ASGR1: variants seen among roughly 807,000 people sequenced by gnomAD.
ASGR1 encodes C-type lectin domain family 4 member H1.
Under a neutral mutation model 33.1 loss-of-function variants are expected in ASGR1, and 35 were observed. That is an observed-to-expected ratio of 1.06 (90% CI 0.81 to 1.40). The LOEUF (loss-of-function observed/expected upper bound fraction) is 1.40. ASGR1 is among the 40% of genes most tolerant of loss of function. ASGR1 has a pLI of 0.00. For synonymous variants in ASGR1, 142 were observed against 152.5 expected, an observed-to-expected ratio of 0.93 and a Z score of 0.51; for missense variants, 396 against 373.7, an observed-to-expected ratio of 1.06 and a Z score of -0.49.
chr17:7,174,937 A>G (rs954487980), intron 5 of ASGR1, among the ~76,000 whole-genome samples: 4 of 149,318 alleles, frequency 2.7e-5, no homozygotes, highest in African/African-American at 9.9e-5. Flanking sequence ...TAACCCACAT[A>G]CACAAAACAC....
intron 5 of ASGR1, 149 bp downstream of exon 5, chr17:7,176,681 C>T (rs992839691): frequency 3.4e-6 from 4 of 1,171,072 alleles, no homozygotes; most frequent in Non-Finnish European, 4.8e-6. Flanking sequence ...AAAACACACT[C>T]CCCCTCATTC....
chr17:7,174,833 A>C (rs2069176574), intron 5 of ASGR1, among the ~76,000 whole-genome samples: 1 of 150,794 alleles, frequency 6.6e-6, no homozygotes. Context: ...CACACAACAC[A>C]CCCTAACCCA....
intron 7 of ASGR1, 28 bp from the exon 8 acceptor site, chr17:7,174,095 C>T (rs754156915): frequency 1.2e-6 from 2 of 1,614,006 alleles, no homozygotes; most frequent in African/African-American, 2.7e-5. Context: ...GGGTGGTGAT[C>T]TCTCCGAGGC....
intron 1 of ASGR1, 105 bp from the exon 2 acceptor site, chr17:7,178,693 G>A: frequency 1.6e-6 from 1 of 637,058 alleles, no homozygotes; most frequent in Non-Finnish European, 2.6e-6. Flanking sequence ...CTCCATCATG[G>A]AGACCTTTCT....
chr17:7,178,735 TTTC>T (rs376384406), intron 1 of ASGR1, 147 bp from the exon 2 acceptor site: 40,526 of 211,662 alleles, frequency 0.19, 2,491 homozygotes, highest in East Asian at 0.29. Flanking sequence ...TTTTTTTTCT[TTTC>T]TTTTTTTTTT....
chr17:7,177,585 T>C, intron 2 of ASGR1: 2 of 419,658 alleles, frequency 4.8e-6, no homozygotes, highest in South Asian at 4.2e-5. Context: ...CCTAATGGCA[T>C]GACTGCGTCA....
At chr17:7,174,911 AAC>A (rs2069177405) in intron 5 of ASGR1, among the ~76,000 whole-genome samples, 1 of 147,040 alleles carries the variant, frequency 6.8e-6, no homozygotes, top group South Asian at 2.2e-4. Context: ...CACAATACAG[AAC>A]ACACAACACA....
At chr17:7,177,846 G>A (rs1051139226) in intron 2 of ASGR1, 1 of 161,358 alleles carries the variant, frequency 6.2e-6, no homozygotes, top group African/African-American at 2.5e-5. Context: ...CTGAGAGCTG[G>A]AGGGTTGGGG....
intron 5 of ASGR1, among the ~76,000 whole-genome samples, chr17:7,174,688 AAC>A (rs201775789): frequency 9.1e-4 from 133 of 146,172 alleles, no homozygotes; most frequent in African/African-American, 2.8e-3. Flanking sequence ...AACACATCCT[AAC>A]ACACACACAC....
chr17:7,175,187 C>T (rs111174026), intron 5 of ASGR1, among the ~76,000 whole-genome samples: 3,431 of 148,628 alleles, frequency 0.023, 55 homozygotes, highest in African/African-American at 0.043. Context: ...GCATAACACA[C>T]CTTAACCCAC....
intron 5 of ASGR1, among the ~76,000 whole-genome samples, chr17:7,176,388 TCACA>T (rs796264143): frequency 1.9e-5 from 2 of 105,058 alleles, no homozygotes; most frequent in East Asian, 3.1e-4. Context: ...ACACTCAGAC[TCACA>T]CACACCTCAT....
chr17:7,175,903 TCA>T (rs1219430573), intron 5 of ASGR1, among the ~76,000 whole-genome samples: 5 of 139,724 alleles, frequency 3.6e-5, no homozygotes, highest in Non-Finnish European at 6.1e-5. Flanking sequence ...CATCTCATTC[TCA>T]CACTCACAGA....
Position 7,174,174 on chromosome 17 carries a change from G to A in ASGR1, c.558C>T (p.Asp186=), listed in dbSNP as rs765525009. The A allele has an allele frequency of 1.4e-5, 23 of 1,614,012 alleles. No homozygotes were observed. The highest frequency in any genetic ancestry group is 5.3e-5 in the African/African-American group (4 of 74,940). ...ADADNYCRLE[D]AHLVVVTSWE... ...AGGACGTGACCACCACCAGGTGCGC[G>A]TCCTCCAGCCGGCAGTAGTTGTCGG... is the stretch of plus-strand genomic sequence containing the variant. Residue 186 remains aspartate (D), a synonymous_variant, in exon 7 of 9, where the codon GAC becomes GAT. Transcript: ENST00000269299.
intron 5 of ASGR1, among the ~76,000 whole-genome samples, chr17:7,175,073 C>G (rs372092497): frequency 6.8e-6 from 1 of 147,340 alleles, no homozygotes; most frequent in Non-Finnish European, 1.5e-5. Flanking sequence ...CACAACACAC[C>G]GTAACCCACA....
Position 7,173,913 on chromosome 17 carries a change from A to G in ASGR1, c.701+48T>C. 1 of 1,611,826 alleles carries G rather than the reference A, an allele frequency of 6.2e-7. No homozygotes were observed. The highest frequency in any genetic ancestry group is 8.5e-7 in the Non-Finnish European group (1 of 1,179,224). On this transcript the variant is annotated intron_variant, in intron 8 of 8. Transcript: ENST00000269299. The surrounding 1 kb of genome is among the most constrained non-coding windows in gnomAD (Gnocchi z 4.7). The stretch of plus-strand genomic sequence containing the variant: ...TCCAGACTCCTCAGCCCAGGGCCCC[A>G]GGGCGCGAAGGCGGCCGGACCCAGG...
intron 1 of ASGR1, 141 bp from the exon 2 acceptor site, chr17:7,178,729 TTTTCTTTTC>T (rs1290517963): frequency 7.7e-5 from 14 of 182,488 alleles, no homozygotes; most frequent in Middle Eastern, 1.6e-3. Flanking sequence ...TTTTTCTTTT[TTTTCTTTTC>T]TTTTTTTTTT....
intron 5 of ASGR1, among the ~76,000 whole-genome samples, chr17:7,175,516 A>G (rs977567810): frequency 1.4e-5 from 2 of 147,434 alleles, no homozygotes; most frequent in Non-Finnish European, 2.9e-5. Context: ...CAACACACAT[A>G]TACTCTTTCA....
In ASGR1 at chr17:7,176,904, G is replaced by C. The variant is rs766730710; in HGVS notation, c.284-3C>G. The stretch of plus-strand genomic sequence containing the variant: ...CATCTTTCTTCCCACATTGCCTCCT[G>C]CGGGAGAGGCTCGCTCAGCGTTCCC... On this transcript the variant is annotated splice_polypyrimidine_tract_variant and splice_region_variant and intron_variant, in intron 4 of 8. Coordinates refer to ENST00000269299, the MANE Select transcript of ASGR1 (RefSeq NM_001671.5). 1.9e-6 allele frequency: 3 copies of C among 1,612,752 alleles called. No individual in the cohort carries two copies. The African/African-American group carries it at 4.0e-5, about 22-fold the overall frequency.
chr17:7,176,638 T>G, intron 5 of ASGR1, 192 bp downstream of exon 5: 3 of 705,538 alleles, frequency 4.3e-6, no homozygotes, highest in Middle Eastern at 4.0e-4. Context: ...CCTCTCATTC[T>G]CACATCCACA....
Sources: allele counts gnomAD v4.1 joint callset (sites outside exome capture counted in the v4.1 genomes callset), GRCh38; gene constraint gnomAD v4.1.1; non-coding constraint Gnocchi (gnomAD v3.1); transcripts MANE v1.5; gene names NCBI Gene and HGNC (gene_info 2026-07-23, HGNC 2026-07-21).